PHIP: variants seen among roughly 807,000 people sequenced by gnomAD.
The protein encoded by PHIP is PHIP subunit of CUL4-Ring ligase complex.
Under a neutral mutation model 236.8 loss-of-function variants are expected in PHIP, and 54 were observed. The observed-to-expected ratio is 0.23, with a 90% CI of 0.18 to 0.29. The LOEUF is 0.29. Among genes scored for constraint, PHIP ranks in the 10% least tolerant of loss-of-function variants. PHIP has a pLI of 1.00. For missense variants in PHIP, 1,370 were observed against 2,190.8 expected, an observed-to-expected ratio of 0.63 and a Z score of 7.48; for synonymous variants, 756 against 718.9, an observed-to-expected ratio of 1.05 and a Z score of -0.83.
chr6:78,982,874 T>C lies in PHIP; in HGVS notation c.2769+12A>G. 1 of 1,518,608 alleles carries C rather than the reference T, an allele frequency of 6.6e-7. No homozygotes were observed. The highest frequency in any genetic ancestry group is 8.9e-7 in the Non-Finnish European group (1 of 1,128,468). The allele number at this position is 1,518,608 out of a possible 1,614,324, so 94.1% of individuals were successfully genotyped here. A position where few individuals can be genotyped will look rare whatever the true frequency, so the allele number is the denominator to read the frequency against. ...CTAGAAAACACCAAATTTGTAATGT[T>C]AAAAACCAAACCTTTTGTTTTCTTT... On this transcript the variant is annotated intron_variant, in intron 23 of 39. Transcript: ENST00000275034.
intron 29 of PHIP, among the ~76,000 whole-genome samples, chr6:78,965,188 CAT>C (rs1345929847): frequency 1.3e-5 from 2 of 152,160 alleles, no homozygotes; most frequent in African/African-American, 4.8e-5. Context: ...ACTTTACACA[CAT>C]GATGCTATTT....
intron 16 of PHIP, among the ~76,000 whole-genome samples, chr6:79,003,452 C>T (rs887965884): frequency 2.0e-5 from 3 of 151,896 alleles, no homozygotes; most frequent in African/African-American, 7.2e-5. Flanking sequence ...TTTATATACC[C>T]CAAGTTAAGA....
At chr6:79,059,424 C>T (rs957813979) in intron 6 of PHIP, among the ~76,000 whole-genome samples, 2 of 151,286 alleles carry the variant, frequency 1.3e-5, no homozygotes, top group African/African-American at 4.9e-5. Context: ...GGATTGCCTT[C>T]AAAGTAGCAA....
chr6:79,046,956 A>T (rs1387526095), intron 6 of PHIP, among the ~76,000 whole-genome samples: 2 of 152,036 alleles, frequency 1.3e-5, no homozygotes, highest in Non-Finnish European at 2.9e-5. Flanking sequence ...TATTCAAAAT[A>T]TCTCTAAATA....
At chr6:79,017,313 T>C in intron 12 of PHIP, 33 bp downstream of exon 12, 1 of 1,288,610 alleles carries the variant, frequency 7.8e-7, no homozygotes, top group Non-Finnish European at 1.1e-6. Context: ...TTCATAATTT[T>C]AAAATTAGAA....
In PHIP at chr6:79,042,832, CAATT is replaced by C. The variant is rs753437510; in HGVS notation, c.600+7_600+10del. 8 of 1,561,398 alleles carry C rather than the reference CAATT, an allele frequency of 5.1e-6. No individual in the cohort carries two copies. Among genetic ancestry groups the C allele is most frequent in the Admixed American group, 1.9e-5 (1 of 52,304 alleles). On this transcript the variant is annotated splice_region_variant and intron_variant, in intron 7 of 39. Transcript: ENST00000275034. ...TATATGAATATAAATAATACTTTAG[CAATT>C]ACTTACAGTAAATATCCGTCTGCCA... is the stretch of plus-strand genomic sequence containing the variant.
intron 27 of PHIP, among the ~76,000 whole-genome samples, chr6:78,966,258 C>T (rs190588208): frequency 6.6e-6 from 1 of 152,286 alleles, no homozygotes; most frequent in East Asian, 1.9e-4. Context: ...TGAAGTGTGA[C>T]TTAACAGTTT....
chr6:79,030,116 T>C (rs559705118), intron 7 of PHIP, among the ~76,000 whole-genome samples: 1 of 152,006 alleles, frequency 6.6e-6, no homozygotes, highest in African/African-American at 2.4e-5. Context: ...GAAAAGGAAG[T>C]AGGGAGAGAT....
intron 24 of PHIP, among the ~76,000 whole-genome samples, chr6:78,977,650 G>A (rs1768203455): frequency 6.6e-6 from 1 of 152,080 alleles, no homozygotes; most frequent in African/African-American, 2.4e-5. Context: ...CATTCAACAA[G>A]GAATTACAAA....
intron 7 of PHIP, among the ~76,000 whole-genome samples, chr6:79,034,226 A>T (rs180880864): frequency 6.6e-6 from 1 of 152,228 alleles, no homozygotes; most frequent in Non-Finnish European, 1.5e-5. Flanking sequence ...TAAAAAATAC[A>T]GTATTTGCAA....
At chr6:79,072,354 C>A (rs1435835840) in intron 4 of PHIP, among the ~76,000 whole-genome samples, 1 of 152,200 alleles carries the variant, frequency 6.6e-6, no homozygotes, top group Non-Finnish European at 1.5e-5. Flanking sequence ...ATCAGTAGCA[C>A]AATTTTTCCA....
chr6:78,955,208 C>T, intron 34 of PHIP, 24 bp downstream of exon 34: 1 of 1,532,020 alleles, frequency 6.5e-7, no homozygotes, highest in South Asian at 1.2e-5. Flanking sequence ...TAAAGTACTT[C>T]TGCTAAAACT....
chr6:79,008,570 C>T (rs1770418313), intron 15 of PHIP, among the ~76,000 whole-genome samples: 1 of 125,400 alleles, frequency 8.0e-6, no homozygotes, highest in Non-Finnish European at 1.8e-5. Flanking sequence ...GGTGTGTCTT[C>T]CTTGACACAC....
intron 8 of PHIP, 81 bp from the exon 9 acceptor site, chr6:79,025,700 CAACT>C: frequency 1.2e-6 from 1 of 856,234 alleles, no homozygotes; most frequent in East Asian, 2.4e-5. Flanking sequence ...ATACAAATAG[CAACT>C]AACAACAACA....
At position 79,067,598 on chromosome 6, in the gene PHIP, T is replaced by C. The variant is rs1429675041; in HGVS notation, c.190-6780A>G. The C allele has an allele frequency of 3.3e-5, 5 of 152,202 alleles. No individual in the cohort carries two copies. The East Asian group carries it at 9.6e-4, about 29-fold the overall frequency. The allele number at this position is 152,202 out of a possible 1,614,324, so 9.4% of individuals were successfully genotyped here. Reference sequence around the variant, plus strand: ...TTTTTTAAAAACAATTCTTTAAAAATGCAATAACAATGCTTAGCTTAATGG... The same window carrying C: ...TTTTTTAAAAACAATTCTTTAAAAACGCAATAACAATGCTTAGCTTAATGG... On this transcript the variant is annotated intron_variant, in intron 4 of 39. Transcript: ENST00000275034.
rs756666878 is a variant in PHIP at position 78,958,576 on chromosome 6, T to C, written c.3681A>G (p.Glu1227=). ...FYRRVSSLMW[E]VRYIEHNTRT... is the part of the protein sequence containing the mutation. Reference sequence around the variant, plus strand: ...GTGTATTATGCTCTATATATCGAACTTCCCACATTAGGGAAGAAACCCGCC... The same window carrying C: ...GTGTATTATGCTCTATATATCGAACCTCCCACATTAGGGAAGAAACCCGCC... The change falls in exon 32 of 40, where the codon GAA becomes GAG. Residue 1227 remains glutamate, a synonymous_variant. Coordinates refer to ENST00000275034, the MANE Select transcript of PHIP (RefSeq NM_017934.7). 1.3e-6 allele frequency: 2 copies of C among 1,580,338 alleles called. No homozygotes were observed. Among genetic ancestry groups the C allele is most frequent in the Non-Finnish European group, 1.7e-6 (2 of 1,152,760 alleles).
intron 20 of PHIP, among the ~76,000 whole-genome samples, chr6:78,990,539 TAAC>T (rs1185634049): frequency 1.3e-5 from 2 of 151,970 alleles, no homozygotes; most frequent in Non-Finnish European, 2.9e-5. Flanking sequence ...TAGAAAAACA[TAAC>T]AAAATGCTAT....
At chr6:79,059,866 A>AG (rs1773278731) in intron 6 of PHIP, among the ~76,000 whole-genome samples, 1 of 151,872 alleles carries the variant, frequency 6.6e-6, no homozygotes, top group South Asian at 2.1e-4. Flanking sequence ...TCTTCAGCAG[A>AG]AGAGTGACAC....
At chr6:79,066,711 T>C (rs891178362) in intron 4 of PHIP, among the ~76,000 whole-genome samples, 1 of 152,152 alleles carries the variant, frequency 6.6e-6, no homozygotes. Context: ...AGGGTAAAAG[T>C]AGAAGATAAA....
Sources: gnomAD v4.1 joint callset for allele counts (sites outside exome capture counted in the v4.1 genomes callset) on GRCh38, gnomAD v4.1.1 for gene constraint, MANE v1.5 for transcripts, NCBI Gene and HGNC (gene_info 2026-07-23, HGNC 2026-07-21) for gene names.